The following SLC16A12 variants were observed in gnomAD, a reference collection of about 807,000 sequenced individuals.
SLC16A12 encodes the protein monocarboxylate transporter 12.
Under a neutral mutation model 42.4 loss-of-function variants are expected in SLC16A12, and 17 were observed. That is an observed-to-expected ratio of 0.40 (90% CI 0.27 to 0.60). The LOEUF (loss-of-function observed/expected upper bound fraction) is 0.60. Among genes scored for constraint, SLC16A12 ranks in the 20% least tolerant of loss-of-function variants. The probability of loss-of-function intolerance (pLI) is 0.42; values close to 1 mark genes in which losing one functional copy is unlikely to be tolerated. For synonymous variants in SLC16A12, 224 were observed against 229.4 expected, an observed-to-expected ratio of 0.98 and a Z score of 0.21; for missense variants, 544 against 623.0, an observed-to-expected ratio of 0.87 and a Z score of 1.35.
chr10:89,452,653 T>C (rs1196705283), intron 3 of SLC16A12, among the ~76,000 whole-genome samples: 1 of 152,026 alleles, frequency 6.6e-6, no homozygotes, highest in South Asian at 2.1e-4. Flanking sequence ...AAAGAAAAAA[T>C]GGAACAGTGT....
chr10:89,526,818 GA>G (rs568842748), intron 2 of SLC16A12, among the ~76,000 whole-genome samples: 86 of 150,010 alleles, frequency 5.7e-4, no homozygotes, highest in African/African-American at 2.0e-3. Context: ...ATACTCCCAG[GA>G]ATGTGCAAAA....
chr10:89,495,310 G>A (rs1481777951), intron 2 of SLC16A12, among the ~76,000 whole-genome samples: 1 of 152,008 alleles, frequency 6.6e-6, no homozygotes, highest in Non-Finnish European at 1.5e-5. Flanking sequence ...GCCGAGATCC[G>A]CCACTGCACT....
chr10:89,523,713 G>C (rs190041974), intron 2 of SLC16A12, among the ~76,000 whole-genome samples: 1 of 152,228 alleles, frequency 6.6e-6, no homozygotes, highest in Admixed American at 6.5e-5. Context: ...ACAGCTGCTA[G>C]GACCAGTTAA....
intron 2 of SLC16A12, among the ~76,000 whole-genome samples, chr10:89,544,011 T>A (rs1843729912): frequency 6.6e-6 from 1 of 152,196 alleles, no homozygotes; most frequent in African/African-American, 2.4e-5. Flanking sequence ...GAGTAGAAAC[T>A]TGAGCTTTGT....
intron 3 of SLC16A12, among the ~76,000 whole-genome samples, chr10:89,450,814 T>C (rs1475595198): frequency 6.6e-6 from 1 of 152,232 alleles, no homozygotes; most frequent in Non-Finnish European, 1.5e-5. Context: ...TCATTATATG[T>C]AAATGGTGAG....
chr10:89,474,828 G>A lies in SLC16A12; in HGVS notation c.-46-12204C>T, dbSNP rs571038308. Among the ~76,000 whole-genome samples, 9 of 152,286 alleles carry A rather than the reference G, an allele frequency of 5.9e-5. No individual in the cohort carries two copies. The South Asian group carries it at 1.0e-3, about 18-fold the overall frequency. On this transcript the variant is annotated intron_variant, in intron 2 of 7. Coordinates refer to ENST00000371790, the MANE Select transcript of SLC16A12 (RefSeq NM_213606.4). The stretch of plus-strand genomic sequence containing the variant: ...GTTATCTTCATCTTGACCCTGTGAC[G>A]TAGGTATTATAATCTCCATTTTACA...
chr10:89,480,460 T>A (rs1468757679), intron 2 of SLC16A12, among the ~76,000 whole-genome samples: 5 of 152,220 alleles, frequency 3.3e-5, no homozygotes, highest in Admixed American at 3.3e-4. Flanking sequence ...TAACAAATAC[T>A]AATTTCTTTC....
At chr10:89,517,850 T>G (rs1843280450) in intron 2 of SLC16A12, among the ~76,000 whole-genome samples, 1 of 152,180 alleles carries the variant, frequency 6.6e-6, no homozygotes, top group Non-Finnish European at 1.5e-5. Context: ...CATTGTGAGT[T>G]ATCCCCCTAT....
At chr10:89,522,068 C>A (rs1030195695) in intron 2 of SLC16A12, among the ~76,000 whole-genome samples, 1 of 152,196 alleles carries the variant, frequency 6.6e-6, no homozygotes, top group African/African-American at 2.4e-5. Flanking sequence ...CTTTGCCATT[C>A]TCAGCGTCAA....
At position 89,438,112 on chromosome 10, in the gene SLC16A12, C is replaced by T. The variant is rs1048152352; in HGVS notation, c.1028+492G>A. ...TGTCTTGGGATGGAATTAAATCTAC[C>T]GCCAGAACTTGTAGTTACCCTAGGC... On this transcript the variant is annotated intron_variant, in intron 6 of 7. Transcript: ENST00000371790. Among the ~76,000 whole-genome samples, 6 of 138,132 alleles carry T rather than the reference C, an allele frequency of 4.3e-5. 1 individual carries two copies. The highest frequency in any genetic ancestry group is 2.1e-4 in the Admixed American group (3 of 14,082). The allele number at this position is 138,132 out of a possible 152,430, so 90.6% of individuals were successfully genotyped here.
intron 2 of SLC16A12, among the ~76,000 whole-genome samples, chr10:89,514,048 G>T (rs2133843302): frequency 6.6e-6 from 1 of 152,296 alleles, no homozygotes; most frequent in South Asian, 2.1e-4. Context: ...ATCCTAAAGA[G>T]CAGGGCTTCT....
chr10:89,536,955 A>C (rs1209681719), upstream of SLC16A12, among the ~76,000 whole-genome samples: 1 of 152,022 alleles, frequency 6.6e-6, no homozygotes, highest in Non-Finnish European at 1.5e-5. Context: ...CTCCTGCCTC[A>C]GCTTCCGGAG....
intron 2 of SLC16A12, among the ~76,000 whole-genome samples, chr10:89,525,349 G>A (rs1394682595): frequency 3.3e-5 from 5 of 151,914 alleles, no homozygotes; most frequent in Admixed American, 3.3e-4. Flanking sequence ...GGAACATTCT[G>A]AGATACCAAT....
intron 5 of SLC16A12, among the ~76,000 whole-genome samples, chr10:89,440,207 G>A (rs1841883353): frequency 1.3e-5 from 2 of 151,490 alleles, no homozygotes; most frequent in Admixed American, 1.3e-4. Context: ...ACCTTCAGAA[G>A]CTCCTGCTTC....
chr10:89,508,090 A>T (rs975609143), intron 2 of SLC16A12, among the ~76,000 whole-genome samples: 1 of 152,150 alleles, frequency 6.6e-6, no homozygotes, highest in East Asian at 1.9e-4. Flanking sequence ...GTATTTAGAG[A>T]CCTACAAAGA....
Position 89,435,842 on chromosome 10 carries a change from T to C in SLC16A12, c.1288+218A>G, listed in dbSNP as rs1888640. ...AAGACCCTAATTTGGGACTTACTCTTTCCAGGTAGGCTAAGGTTCTTACTT... is the reference window on the plus strand; with the variant it reads ...AAGACCCTAATTTGGGACTTACTCTCTCCAGGTAGGCTAAGGTTCTTACTT... On this transcript the variant is annotated intron_variant, in intron 7 of 7. Transcript: ENST00000371790. Among the ~76,000 whole-genome samples the C allele has an allele frequency of 8.0e-3, 1,218 of 152,258 alleles. 58 individuals are homozygous for C. The highest frequency in any genetic ancestry group is 0.073 in the Admixed American group (1,119 of 15,288).
At chr10:89,493,881 A>ACCTTTGTCAAAGCAAACT (rs1363914860) in intron 2 of SLC16A12, among the ~76,000 whole-genome samples, 64 of 152,348 alleles carry the variant, frequency 4.2e-4, no homozygotes, top group African/African-American at 1.5e-3. Flanking sequence ...CTACCAAGGT[A>ACCTTTGTCAAAGCAAACT]ATTTTGTCAA....
intron 2 of SLC16A12, among the ~76,000 whole-genome samples, chr10:89,554,103 G>GGAAGGAAGGAAGGAAA (rs1843792268): frequency 1.9e-5 from 2 of 103,140 alleles, no homozygotes; most frequent in African/African-American, 4.1e-5. Context: ...AAAGAAAGAA[G>GGAAGGAAGGAAGGAAA]GAAGGAAGGA....
At chr10:89,465,313 G>A (rs56297539) in intron 2 of SLC16A12, among the ~76,000 whole-genome samples, 35,275 of 152,078 alleles carry the variant, frequency 0.23, 4,287 homozygotes, top group East Asian at 0.28. Flanking sequence ...ATTCATAAAC[G>A]TTTTTGTCTA....
Sources: gnomAD v4.1 joint callset for allele counts (sites outside exome capture counted in the v4.1 genomes callset) on GRCh38, gnomAD v4.1.1 for gene constraint, MANE v1.5 for transcripts, NCBI Gene and HGNC (gene_info 2026-07-23, HGNC 2026-07-21) for gene names.